The following DGKG variants were observed in gnomAD, a reference collection of about 807,000 sequenced individuals.
DGKG encodes the protein DAG kinase gamma.
Under a neutral mutation model 105.3 loss-of-function variants are expected in DGKG, and 78 were observed. That is an observed-to-expected ratio of 0.74 (90% CI 0.62 to 0.89). The LOEUF (loss-of-function observed/expected upper bound fraction) is 0.89, where lower values mean the gene tolerates loss of function less well. Ranked by LOEUF, DGKG falls within the 40% of genes least tolerant of loss-of-function variation. The pLI, the probability that DGKG is intolerant of heterozygous loss-of-function variation, is 0.00. For synonymous variants in DGKG, 346 were observed against 367.1 expected, an observed-to-expected ratio of 0.94 and a Z score of 0.66; for missense variants, 958 against 1,020.1, an observed-to-expected ratio of 0.94 and a Z score of 0.83.
Position 186,149,261 on chromosome 3 carries a change from A to C in DGKG, c.*829T>G. 1 of 984,614 alleles carries C rather than the reference A, an allele frequency of 1.0e-6. No individual in the cohort carries two copies. Among genetic ancestry groups the C allele is most frequent in the East Asian group, 1.1e-4 (1 of 8,792 alleles). 61.0% of individuals were successfully genotyped at this position (984,614 alleles called of 1,614,324 possible). On this transcript the variant is annotated 3_prime_UTR_variant, in exon 25 of 25. Transcript: ENST00000265022. ...GTTTTTTTTTTCCTTCCCTTTTTAC[A>C]CAATATTATGACACCAATTTGAAAA... is the stretch of plus-strand genomic sequence containing the variant.
intron 17 of DGKG, among the ~76,000 whole-genome samples, chr3:186,256,460 C>G (rs1293691391): frequency 6.6e-6 from 1 of 152,222 alleles, no homozygotes; most frequent in Non-Finnish European, 1.5e-5. Context: ...CACCACCACT[C>G]TGTTTCTCCT....
intron 3 of DGKG, among the ~76,000 whole-genome samples, chr3:186,298,993 C>T (rs1201571565): frequency 1.3e-5 from 2 of 152,218 alleles, no homozygotes; most frequent in Non-Finnish European, 2.9e-5. Flanking sequence ...AAACTAGACC[C>T]TCTTCCTGCT....
chr3:186,217,288 C>T (rs1351612390), intron 20 of DGKG, among the ~76,000 whole-genome samples: 1 of 152,152 alleles, frequency 6.6e-6, no homozygotes, highest in Non-Finnish European at 1.5e-5. Context: ...TCCCCTCTTA[C>T]AATCACCTTT....
At chr3:186,234,023 T>G (rs1286320584) in intron 20 of DGKG, among the ~76,000 whole-genome samples, 2 of 152,194 alleles carry the variant, frequency 1.3e-5, no homozygotes, top group East Asian at 3.8e-4. Flanking sequence ...GGCTTGAACG[T>G]AAAATAGGAA....
chr3:186,260,946 A>T (rs977233266), intron 15 of DGKG, among the ~76,000 whole-genome samples: 7 of 152,162 alleles, frequency 4.6e-5, no homozygotes, highest in African/African-American at 1.7e-4. Flanking sequence ...GGCCCCCTGC[A>T]GTCCTGGGAT....
intron 24 of DGKG, among the ~76,000 whole-genome samples, chr3:186,156,529 T>C (rs1301537229): frequency 6.6e-6 from 1 of 152,158 alleles, no homozygotes; most frequent in Admixed American, 6.5e-5. Context: ...TTTTAATATC[T>C]TGCGAGAAGT....
rs531373757 is a variant in DGKG, at chr3:186,320,604, A to G, written c.-145T>C. 2.7e-4 allele frequency: 364 copies of G among 1,340,656 alleles called. 1 individual carries two copies. The African/African-American group carries it at 4.7e-3, about 17-fold the overall frequency. 83.0% of individuals were successfully genotyped at this position (1,340,656 alleles called of 1,614,324 possible). ...CTTCTGGGAGCACTCAAGTGTATAC[A>G]GCAGCAGCAGGCACCTCTCAGAAGA... is the stretch of plus-strand genomic sequence containing the variant. On this transcript the variant is annotated 5_prime_UTR_variant, in exon 2 of 25. Coordinates refer to ENST00000265022, the MANE Select transcript of DGKG (RefSeq NM_001346.3).
At chr3:186,189,003 C>T (rs563161121) in intron 21 of DGKG, among the ~76,000 whole-genome samples, 26 of 152,008 alleles carry the variant, frequency 1.7e-4, no homozygotes, top group African/African-American at 4.8e-4. Context: ...TTAGTAGAGA[C>T]GGGGTTTCAC....
chr3:186,312,795 A>G (rs1023585011), intron 2 of DGKG, among the ~76,000 whole-genome samples: 2 of 152,248 alleles, frequency 1.3e-5, no homozygotes, highest in Non-Finnish European at 2.9e-5. Context: ...GCCAGGGCCA[A>G]GAGCACTGCA....
chr3:186,280,518 T>C, intron 8 of DGKG, 152 bp downstream of exon 8: 1 of 547,844 alleles, frequency 1.8e-6, no homozygotes, highest in Admixed American at 3.2e-5. Context: ...ATCAGAGAGG[T>C]AGGAGGTAAA....
intron 3 of DGKG, among the ~76,000 whole-genome samples, chr3:186,304,110 C>A (rs1309431744): frequency 6.6e-6 from 1 of 152,196 alleles, no homozygotes; most frequent in African/African-American, 2.4e-5. Context: ...CAAGCGACTC[C>A]CTGCTTCTGA....
chr3:186,267,386 A>G (rs1181774541), intron 13 of DGKG, among the ~76,000 whole-genome samples: 10 of 152,208 alleles, frequency 6.6e-5, no homozygotes. Flanking sequence ...TCAAGCACAT[A>G]CTGAAAGCAC....
chr3:186,238,729 C>A (rs1234342649), intron 20 of DGKG, among the ~76,000 whole-genome samples: 1 of 152,168 alleles, frequency 6.6e-6, no homozygotes, highest in Non-Finnish European at 1.5e-5. Context: ...CGTTAAAGGC[C>A]TTTTCTTTTT....
intron 1 of DGKG, among the ~76,000 whole-genome samples, chr3:186,346,947 G>A (rs1254419212): frequency 6.6e-6 from 1 of 152,018 alleles, no homozygotes; most frequent in Non-Finnish European, 1.5e-5. Context: ...ATTGTGTTTT[G>A]ACAATTTTAT....
intron 11 of DGKG, among the ~76,000 whole-genome samples, chr3:186,270,741 G>T (rs943291792): frequency 6.6e-6 from 1 of 152,328 alleles, no homozygotes; most frequent in South Asian, 2.1e-4. Flanking sequence ...TCCTAGCCAG[G>T]TCTTCTGACC....
At chr3:186,359,348 G>A (rs1258627769) in intron 1 of DGKG, among the ~76,000 whole-genome samples, 1 of 152,168 alleles carries the variant, frequency 6.6e-6, no homozygotes, top group African/African-American at 2.4e-5. Flanking sequence ...ATTTGTAGTT[G>A]CTAAAGACAG....
chr3:186,192,086 C>T (rs1717935475), intron 21 of DGKG, among the ~76,000 whole-genome samples: 2 of 152,210 alleles, frequency 1.3e-5, no homozygotes, highest in African/African-American at 2.4e-5. Flanking sequence ...TGGCTCACTG[C>T]AACCTCTGCC....
chr3:186,174,470 G>T (rs1255680946), intron 22 of DGKG, among the ~76,000 whole-genome samples: 1 of 152,092 alleles, frequency 6.6e-6, no homozygotes, highest in South Asian at 2.1e-4. Context: ...GTTGGGGGAG[G>T]ATTCTGAAAA....
chr3:186,245,279 C>A (rs1720886903), intron 19 of DGKG, among the ~76,000 whole-genome samples: 1 of 152,188 alleles, frequency 6.6e-6, no homozygotes. Context: ...ACAATGTAAT[C>A]CCTTGGCAAA....
Sources: gnomAD v4.1 joint callset for allele counts (sites outside exome capture counted in the v4.1 genomes callset) on GRCh38, gnomAD v4.1.1 for gene constraint, MANE v1.5 for transcripts, NCBI Gene and HGNC (gene_info 2026-07-23, HGNC 2026-07-21) for gene names.